C4orf50: variants seen among roughly 807,000 people sequenced by gnomAD.
The protein encoded by C4orf50 is uncharacterized protein C4orf50.
A neutral mutation model predicts 77.2 loss-of-function variants in C4orf50; 80 were observed. The observed-to-expected ratio is 1.04, with a 90% CI of 0.87 to 1.25. C4orf50 has a LOEUF of 1.25. Among genes scored for constraint, C4orf50 ranks in the 50% most tolerant of loss-of-function variants. The pLI is 0.00. For missense variants in C4orf50, 1,257 were observed against 1,152.9 expected, an observed-to-expected ratio of 1.09 and a Z score of -1.31; for synonymous variants, 532 against 465.3, an observed-to-expected ratio of 1.14 and a Z score of -1.84.
chr4:5,968,045 A>C (rs928625526), intron 31 of C4orf50, among the ~76,000 whole-genome samples: 1 of 152,130 alleles, frequency 6.6e-6, no homozygotes, highest in African/African-American at 2.4e-5. Flanking sequence ...CCTGGATCTC[A>C]CTTCCTCTTG....
At chr4:5,976,364 G>C (rs1468384317) in intron 29 of C4orf50, among the ~76,000 whole-genome samples, 2 of 151,204 alleles carry the variant, frequency 1.3e-5, no homozygotes, top group Non-Finnish European at 1.5e-5. Context: ...GCTGAGGCAG[G>C]AGAACGGCGT....
At chr4:5,944,817 G>C (rs780668697) in intron 7 of C4orf50, among the ~76,000 whole-genome samples, 1 of 152,208 alleles carries the variant, frequency 6.6e-6, no homozygotes, top group South Asian at 2.1e-4. Context: ...GCCTGGGGCG[G>C]AGGGGTCTGG....
intron 31 of C4orf50, among the ~76,000 whole-genome samples, chr4:5,971,899 G>C (rs1456131236): frequency 2.6e-5 from 4 of 152,168 alleles, no homozygotes; most frequent in Admixed American, 2.6e-4. Flanking sequence ...GCCCTTGGAA[G>C]GTGGGCTGCT....
At chr4:5,971,984 T>G (rs185489160) in intron 31 of C4orf50, among the ~76,000 whole-genome samples, 85 of 150,800 alleles carry the variant, frequency 5.6e-4, no homozygotes, top group African/African-American at 2.1e-3. Context: ...TTTGATACTT[T>G]CACAACCTGG....
chr4:5,929,039 C>A (rs1418166046), intron 7 of C4orf50, among the ~76,000 whole-genome samples: 1 of 152,152 alleles, frequency 6.6e-6, no homozygotes, highest in Non-Finnish European at 1.5e-5. Context: ...TCCCTGATAC[C>A]CACAGTAGGC....
At chr4:5,921,076 C>G (rs1577888479) in intron 7 of C4orf50, among the ~76,000 whole-genome samples, 1 of 152,320 alleles carries the variant, frequency 6.6e-6, no homozygotes, top group East Asian at 1.9e-4. Flanking sequence ...GATACCTGAG[C>G]AAGCAGCTGG....
intron 31 of C4orf50, among the ~76,000 whole-genome samples, chr4:5,971,684 C>A (rs1291625632): frequency 1.3e-5 from 2 of 152,178 alleles, no homozygotes; most frequent in African/African-American, 2.4e-5. Context: ...GATAACTCAA[C>A]TATAGGGAGA....
At chr4:5,924,459 C>T (rs1717421058) in intron 7 of C4orf50, among the ~76,000 whole-genome samples, 1 of 152,186 alleles carries the variant, frequency 6.6e-6, no homozygotes, top group South Asian at 2.1e-4. Context: ...GCCTGCCCCA[C>T]ACCCAGGGCC....
chr4:5,959,357 G>A lies in C4orf50; in HGVS notation c.*18C>T, dbSNP rs374705727. 2.6e-5 allele frequency: 41 copies of A among 1,606,728 alleles called. No individual in the cohort carries two copies. Among genetic ancestry groups the A allele is most frequent in the Middle Eastern group, 1.7e-4 (1 of 6,032 alleles). Reference sequence around the variant, plus strand: ...TTTATGGAGTCTATGAAATGGCTCCGGAGAATGAGTGGCCCTATTACATTT... The same window carrying A: ...TTTATGGAGTCTATGAAATGGCTCCAGAGAATGAGTGGCCCTATTACATTT... On this transcript the variant is annotated 3_prime_UTR_variant, in exon 34 of 34. Coordinates refer to ENST00000531445, the Ensembl canonical transcript of C4orf50.
rs953036257 is a variant in C4orf50, at chr4:5,970,802, C to G, written c.4104+2857G>C. ...TCAGCCCAAGGCCCAGCCCCCACCC[C>G]CTCAACAGCCCTGGGACATGCTGAG... On this transcript the variant is annotated intron_variant, in intron 31 of 33. Transcript: ENST00000531445. The surrounding 1 kb of genome is among the most constrained non-coding windows in gnomAD (Gnocchi z 4.3). Among the ~76,000 whole-genome samples the G allele has an allele frequency of 3.3e-5, 5 of 152,214 alleles. No homozygotes were observed.
rs1200367394 is a variant in C4orf50, at chr4:5,900,036, T to G, written c.*2475-1848A>C. 2 of 152,072 alleles carry G rather than the reference T, an allele frequency of 1.3e-5. No homozygotes were observed. Among genetic ancestry groups the G allele is most frequent in the Non-Finnish European group, 2.9e-5 (2 of 68,006 alleles). 9.4% of individuals were successfully genotyped at this position (152,072 alleles called of 1,614,324 possible). A position where few individuals can be genotyped will look rare whatever the true frequency, so the allele number is the denominator to read the frequency against. On this transcript the variant is annotated intron_variant, in intron 7 of 7. Transcript: ENST00000324058. The surrounding 1 kb of genome is among the most constrained non-coding windows in gnomAD (Gnocchi z 4.3). ...ACTGTCTCAACAGAGAAAAACAGGT[T>G]GTGTCTAAAATATGTCAGAAATGTC...
exon 28 of C4orf50, chr4:5,988,470 A>G: frequency 6.4e-7 from 1 of 1,566,050 alleles, no homozygotes; most frequent in South Asian, 1.2e-5. Context: ...CTTGCAGGGC[A>G]TTGGCTACAC....
At chr4:5,999,103 C>T (rs976520938) in intron 25 of C4orf50, among the ~76,000 whole-genome samples, 1 of 152,218 alleles carries the variant, frequency 6.6e-6, no homozygotes, top group Non-Finnish European at 1.5e-5. Flanking sequence ...GGCTACCTTG[C>T]AGAGTTCATG....
At chr4:5,993,309 T>A (rs1025463525) in intron 26 of C4orf50, among the ~76,000 whole-genome samples, 8 of 152,184 alleles carry the variant, frequency 5.3e-5, no homozygotes, top group African/African-American at 1.9e-4. Context: ...TGAGTCGACA[T>A]GGCAGCTCTG....
intron 7 of C4orf50, among the ~76,000 whole-genome samples, chr4:5,951,727 G>A (rs1718731853): frequency 1.3e-5 from 2 of 151,926 alleles, no homozygotes; most frequent in African/African-American, 4.8e-5. Flanking sequence ...CTGCTCTACC[G>A]CCCTCCACAC....
chr4:5,936,563 A>G (rs1718025235), intron 7 of C4orf50, among the ~76,000 whole-genome samples: 2 of 23,496 alleles, frequency 8.5e-5, no homozygotes, highest in South Asian at 1.5e-3. Flanking sequence ...ACGCCATCTC[A>G]AAAAAAAAAA....
intron 7 of C4orf50, among the ~76,000 whole-genome samples, chr4:5,940,674 C>G (rs1718223682): frequency 6.6e-6 from 1 of 152,202 alleles, no homozygotes; most frequent in Non-Finnish European, 1.5e-5. Flanking sequence ...CCCCTCCCAG[C>G]TAGAGGTGGA....
intron 25 of C4orf50, among the ~76,000 whole-genome samples, chr4:6,001,361 G>T (rs1016271921): frequency 1.3e-5 from 2 of 152,190 alleles, no homozygotes; most frequent in Admixed American, 6.5e-5. Context: ...TGTTGGACAG[G>T]CTGGTCACTT....
rs1375885564 is a variant in C4orf50, at chr4:6,000,057, G to C, written c.964-5581C>G. Among the ~76,000 whole-genome samples, 1 of 152,158 alleles carries C rather than the reference G, an allele frequency of 6.6e-6. No individual in the cohort carries two copies. The highest frequency in any genetic ancestry group is 2.4e-5 in the African/African-American group (1 of 41,430). ...TGATCCTGAGGCCGTGGGCAGCCAT[G>C]GTGGGGTGCTTATGGAGGGAGATCC... On this transcript the variant is annotated intron_variant, in intron 25 of 33. Transcript: ENST00000531445. This position sits in a 1 kb window ranked among gnomAD's most constrained non-coding sequence, Gnocchi z 6.0.
Sources: gnomAD v4.1 joint callset for allele counts (sites outside exome capture counted in the v4.1 genomes callset) on GRCh38, gnomAD v4.1.1 for gene constraint, Gnocchi (gnomAD v3.1) non-coding constraint, MANE v1.5 for transcripts, NCBI Gene and HGNC (gene_info 2026-07-23, HGNC 2026-07-21) for gene names.